EPHA4: variants seen among roughly 807,000 people sequenced by gnomAD.
EPHA4 encodes EPH receptor A4.
EPHA4 carries 19 observed loss-of-function variants against 108.3 expected under a neutral mutation model. That is an observed-to-expected ratio of 0.18 (90% confidence interval 0.12 to 0.26). EPHA4 has a LOEUF of 0.26. Among genes scored for constraint, EPHA4 ranks in the 10% least tolerant of loss-of-function variants. The probability of loss-of-function intolerance (pLI) is 1.00; values close to 1 mark genes in which losing one functional copy is unlikely to be tolerated. For synonymous variants in EPHA4, 449 were observed against 455.5 expected (o/e 0.99, Z 0.18); for missense variants, 917 against 1,254.0 (o/e 0.73, Z 4.06).
intron 14 of EPHA4, among the ~76,000 whole-genome samples, chr2:221,433,551 C>T (rs925492746): frequency 2.0e-5 from 3 of 151,852 alleles, no homozygotes; most frequent in Non-Finnish European, 4.4e-5. Flanking sequence ...AATTCTATTA[C>T]TCTGGAATCT....
chr2:221,431,330 G>A (rs1195892281), intron 14 of EPHA4, among the ~76,000 whole-genome samples: 1 of 152,226 alleles, frequency 6.6e-6, no homozygotes, highest in Non-Finnish European at 1.5e-5. Context: ...TCACCCTGTG[G>A]TGGGTCTATT....
chr2:221,521,627 T>C (rs1475929784), intron 3 of EPHA4, among the ~76,000 whole-genome samples: 1 of 152,108 alleles, frequency 6.6e-6, no homozygotes, highest in Non-Finnish European at 1.5e-5. Flanking sequence ...AGGAAGAACC[T>C]TGTAAATACC....
rs143876801 is a variant in EPHA4, at chr2:221,435,541, G to C, written c.2346+858C>G. ...AAAACCCCCATTGCTTGGGATTGCA[G>C]ATGCAAAATGAAGAGTGTTAAAAGG... On this transcript the variant is annotated intron_variant, in intron 13 of 17. Coordinates refer to ENST00000281821, the MANE Select transcript of EPHA4 (RefSeq NM_004438.5). Among the ~76,000 whole-genome samples the C allele has an allele frequency of 3.3e-3, 503 of 152,222 alleles. 3 individuals are homozygous for C. Among genetic ancestry groups the C allele is most frequent in the Non-Finnish European group, 4.1e-3 (282 of 68,020 alleles).
chr2:221,533,103 A>G lies in EPHA4; in HGVS notation c.823+30628T>C, dbSNP rs1426818071. ...AGAAAGGTAAATAAAGAACAACAAC[A>G]ATGAAAAATTGCCAGTTACATTTCA... On this transcript the variant is annotated intron_variant, in intron 3 of 17. Transcript: ENST00000281821. The G allele has an allele frequency of 2.6e-5, 4 of 152,172 alleles. No individual in the cohort carries two copies. In the East Asian group the frequency reaches 7.7e-4, roughly 29 times the overall value. The allele number at this position is 152,172 out of a possible 1,614,324, so 9.4% of individuals were successfully genotyped here. A position where few individuals can be genotyped will look rare whatever the true frequency, so the allele number is the denominator to read the frequency against.
In EPHA4 at chr2:221,443,523, A is replaced by G; in HGVS notation, c.1858T>C (p.Cys620Arg). 2 of 1,613,960 alleles carry G rather than the reference A, an allele frequency of 1.2e-6. No individual in the cohort carries two copies. The highest frequency in any genetic ancestry group is 8.5e-7 in the Non-Finnish European group (1 of 1,179,928). The change falls in exon 10 of 18, where the codon TGC becomes CGC. Residue 620 changes from cysteine to arginine, a missense_variant. This residue lies in a region of EPHA4 where 758 missense variants were observed against 1,076.7 expected (regional missense o/e 0.70). Transcript: ENST00000281821. Reference sequence around the variant, plus strand: ...CCTATAACTTTTTCAATCTTAATGCAGGATGCGTCAATTTCTTTGGCAAAC... The same window carrying G: ...CCTATAACTTTTTCAATCTTAATGCGGGATGCGTCAATTTCTTTGGCAAAC... The part of the protein sequence containing the change: ...REFAKEIDAS[C>R]IKIEKVIGVG...
chr2:221,432,591 A>G (rs978810252), intron 14 of EPHA4, among the ~76,000 whole-genome samples: 4 of 152,090 alleles, frequency 2.6e-5, no homozygotes, highest in African/African-American at 9.7e-5. Context: ...TGGTCAGCAT[A>G]GAGAATTCTT....
intron 17 of EPHA4, among the ~76,000 whole-genome samples, chr2:221,421,186 A>G (rs1265936018): frequency 1.3e-5 from 2 of 151,928 alleles, no homozygotes; most frequent in African/African-American, 2.4e-5. Flanking sequence ...AGTCCCGGCT[A>G]CTCGGGAGGC....
At chr2:221,463,830 G>T (rs1485748272) in intron 5 of EPHA4, among the ~76,000 whole-genome samples, 1 of 152,192 alleles carries the variant, frequency 6.6e-6, no homozygotes, top group Non-Finnish European at 1.5e-5. Context: ...AGAGAGGAAA[G>T]CTTCACATGG....
At chr2:221,475,912 T>C (rs937181569) in intron 5 of EPHA4, among the ~76,000 whole-genome samples, 7 of 152,106 alleles carry the variant, frequency 4.6e-5, no homozygotes, top group Non-Finnish European at 8.8e-5. Flanking sequence ...AAGCAAACAT[T>C]TGTGTCTTAA....
At chr2:221,468,008 A>G (rs1691363539) in intron 5 of EPHA4, among the ~76,000 whole-genome samples, 1 of 152,220 alleles carries the variant, frequency 6.6e-6, no homozygotes, top group South Asian at 2.1e-4. Context: ...GGGTGAAACT[A>G]GCAACAACAA....
At chr2:221,556,361 A>T (rs1249485346) in intron 3 of EPHA4, among the ~76,000 whole-genome samples, 1 of 151,824 alleles carries the variant, frequency 6.6e-6, no homozygotes, top group African/African-American at 2.4e-5. Context: ...CAGTGGTGAG[A>T]TCTTGGTTCA....
intron 3 of EPHA4, among the ~76,000 whole-genome samples, chr2:221,559,378 A>T (rs971184918): frequency 6.6e-6 from 1 of 152,068 alleles, no homozygotes; most frequent in Non-Finnish European, 1.5e-5. Flanking sequence ...CTCTCCTTTC[A>T]TTTTTCAGCT....
chr2:221,448,488 C>A (rs938572952), intron 8 of EPHA4, among the ~76,000 whole-genome samples: 1 of 152,152 alleles, frequency 6.6e-6, no homozygotes, highest in African/African-American at 2.4e-5. Flanking sequence ...GGTTTAAATA[C>A]CCTGAAGCCA....
intron 3 of EPHA4, among the ~76,000 whole-genome samples, chr2:221,508,414 C>T (rs1692697443): frequency 6.6e-6 from 1 of 151,868 alleles, no homozygotes; most frequent in African/African-American, 2.4e-5. Flanking sequence ...CCTGTCTCTG[C>T]TGAAAAATAC....
At chr2:221,453,268 A>G (rs1261007529) in intron 8 of EPHA4, among the ~76,000 whole-genome samples, 1 of 152,122 alleles carries the variant, frequency 6.6e-6, no homozygotes, top group Non-Finnish European at 1.5e-5. Flanking sequence ...CTGTTTTTAA[A>G]CCTTTAAACA....
intron 11 of EPHA4, among the ~76,000 whole-genome samples, chr2:221,439,915 C>T (rs2106102680): frequency 6.6e-6 from 1 of 152,312 alleles, no homozygotes. Context: ...AATTCACACG[C>T]TTCCACTCTA....
chr2:221,471,304 T>C (rs1574590701), intron 5 of EPHA4, among the ~76,000 whole-genome samples: 1 of 152,254 alleles, frequency 6.6e-6, no homozygotes, highest in Middle Eastern at 3.4e-3. Context: ...CAGGGGCCTC[T>C]CTCATGAACT....
At chr2:221,557,738 T>C (rs1473841548) in intron 3 of EPHA4, among the ~76,000 whole-genome samples, 2 of 152,220 alleles carry the variant, frequency 1.3e-5, no homozygotes, top group Admixed American at 1.3e-4. Context: ...ACCTCATTAA[T>C]ACATTAGTCA....
At chr2:221,572,321 G>A (rs1694870372), upstream of EPHA4, 7 of 1,393,992 alleles carry the variant, frequency 5.0e-6, no homozygotes, top group Non-Finnish European at 7.1e-6. Flanking sequence ...GGAGAGCAGC[G>A]GGCTGAAGAC....
Sources: gnomAD v4.1 joint callset for allele counts (sites outside exome capture counted in the v4.1 genomes callset) on GRCh38, gnomAD v4.1.1 for gene constraint, gnomAD v4.1.1 regional missense constraint, MANE v1.5 for transcripts, NCBI Gene and HGNC (gene_info 2026-07-23, HGNC 2026-07-21) for gene names.